OSBPL10: variants seen among roughly 807,000 people sequenced by gnomAD.
OSBPL10 encodes oxysterol binding protein like 10.
Under a neutral mutation model 81.7 loss-of-function variants are expected in OSBPL10, and 49 were observed. That is an observed-to-expected ratio of 0.60 (90% CI 0.48 to 0.76). OSBPL10 has a LOEUF of 0.76. Ranked by LOEUF, OSBPL10 falls within the 30% of genes least tolerant of loss-of-function variation. OSBPL10 has a pLI of 0.00. For synonymous variants in OSBPL10, 419 were observed against 383.6 expected, an observed-to-expected ratio of 1.09 and a Z score of -1.08; for missense variants, 923 against 987.8, an observed-to-expected ratio of 0.93 and a Z score of 0.88.
chr3:31,970,406 G>C (rs138694680), intron 1 of OSBPL10, among the ~76,000 whole-genome samples: 277 of 152,274 alleles, frequency 1.8e-3, no homozygotes, highest in African/African-American at 6.2e-3. Context: ...TCTAGTTTTG[G>C]CCAGCATGTC....
At chr3:31,979,390 T>C (rs1430342217) in intron 1 of OSBPL10, among the ~76,000 whole-genome samples, 1 of 152,230 alleles carries the variant, frequency 6.6e-6, no homozygotes, top group Non-Finnish European at 1.5e-5. Flanking sequence ...TCAGTTTCCA[T>C]ACTTCAAAAG....
At chr3:31,984,315 C>T (rs553670597), upstream of OSBPL10, among the ~76,000 whole-genome samples, 4 of 151,734 alleles carry the variant, frequency 2.6e-5, no homozygotes, top group East Asian at 7.7e-4. Context: ...GCTGGGATTA[C>T]AGGCGTGAGC....
At chr3:31,758,742 G>A (rs942413912) in intron 4 of OSBPL10, among the ~76,000 whole-genome samples, 3 of 152,202 alleles carry the variant, frequency 2.0e-5, no homozygotes, top group Non-Finnish European at 4.4e-5. Context: ...TGGATCTCAT[G>A]GAGCAGCATG....
intron 4 of OSBPL10, among the ~76,000 whole-genome samples, chr3:31,755,268 G>A (rs916515214): frequency 2.6e-5 from 4 of 152,106 alleles, no homozygotes; most frequent in Non-Finnish European, 4.4e-5. Flanking sequence ...TCTCAGGCCC[G>A]AAGTCATTTT....
chr3:31,882,009 A>G (rs1695593708), intron 1 of OSBPL10, among the ~76,000 whole-genome samples: 1 of 152,190 alleles, frequency 6.6e-6, no homozygotes, highest in South Asian at 2.1e-4. Context: ...TAACTTCTCC[A>G]TATCACTTCT....
chr3:31,723,539 TACAC>T (rs35189802), intron 6 of OSBPL10, among the ~76,000 whole-genome samples: 5,273 of 125,024 alleles, frequency 0.042, 107 homozygotes, highest in Middle Eastern at 0.088. Context: ...CTCTGTTTCT[TACAC>T]ACACACACAC....
At chr3:31,878,848 T>TGTGC (rs1052315688) in intron 2 of OSBPL10, among the ~76,000 whole-genome samples, 107 of 150,514 alleles carry the variant, frequency 7.1e-4, no homozygotes, top group Middle Eastern at 3.4e-3. Context: ...TGTGTGTGTG[T>TGTGC]GCATGCACTT....
chr3:31,830,026 A>G lies in OSBPL10; in HGVS notation c.729+14T>C, dbSNP rs1198070059. Reference sequence around the variant, plus strand: ...CCCCGGGGCTGCTTAACCTAGTAGGAGAGCAAAGCCTACCTCTCTGACTTC... The same window carrying G: ...CCCCGGGGCTGCTTAACCTAGTAGGGGAGCAAAGCCTACCTCTCTGACTTC... On this transcript the variant is annotated intron_variant, in intron 4 of 11. Transcript: ENST00000396556. The G allele has an allele frequency of 6.2e-7, 1 of 1,606,736 alleles. No individual in the cohort carries two copies. The highest frequency in any genetic ancestry group is 1.3e-5 in the African/African-American group (1 of 74,702).
chr3:31,738,578 G>C (rs1697257349), intron 5 of OSBPL10, among the ~76,000 whole-genome samples: 3 of 152,264 alleles, frequency 2.0e-5, no homozygotes, highest in East Asian at 1.9e-4. Context: ...CTCTTGCCAG[G>C]TGCCAAGTAC....
intron 4 of OSBPL10, among the ~76,000 whole-genome samples, chr3:31,812,818 G>GAGAGAAAGAAAGAAAGAGAA (rs1699740661): frequency 7.7e-5 from 2 of 25,900 alleles, no homozygotes; most frequent in African/African-American, 1.8e-4. Flanking sequence ...AAGAAAGAAA[G>GAGAGAAAGAAAGAAAGAGAA]AGAAAGAAAG....
intron 3 of OSBPL10, among the ~76,000 whole-genome samples, chr3:31,866,602 T>C (rs531872723): frequency 1.6e-4 from 25 of 152,266 alleles, no homozygotes; most frequent in South Asian, 1.5e-3. Flanking sequence ...TTGGGGAGTA[T>C]AGACGCCATG....
intron 1 of OSBPL10, among the ~76,000 whole-genome samples, chr3:32,067,622 C>T (rs942841977): frequency 6.6e-6 from 1 of 152,184 alleles, no homozygotes; most frequent in Non-Finnish European, 1.5e-5. Context: ...CCCACCCTAA[C>T]TGATCAATGT....
intron 4 of OSBPL10, among the ~76,000 whole-genome samples, chr3:31,798,153 A>G (rs1395850542): frequency 6.6e-6 from 1 of 152,318 alleles, no homozygotes; most frequent in East Asian, 1.9e-4. Context: ...CATGGAGGCC[A>G]GGCGCAGTGG....
chr3:31,871,552 G>A (rs543269185), intron 3 of OSBPL10, among the ~76,000 whole-genome samples: 5 of 152,294 alleles, frequency 3.3e-5, no homozygotes, highest in East Asian at 1.9e-4. Context: ...TATCCTAGAA[G>A]TTTCCTAAGA....
chr3:31,921,360 A>G (rs1233915652), intron 1 of OSBPL10, among the ~76,000 whole-genome samples: 2 of 152,184 alleles, frequency 1.3e-5, no homozygotes, highest in Non-Finnish European at 2.9e-5. Context: ...GGTTCCTTGG[A>G]AAAATGGCTG....
chr3:31,975,781 C>T (rs1384378472), intron 1 of OSBPL10, among the ~76,000 whole-genome samples: 1 of 152,212 alleles, frequency 6.6e-6, no homozygotes, highest in African/African-American at 2.4e-5. Flanking sequence ...CCTGGTTTCC[C>T]TCTCTGACAT....
intron 2 of OSBPL10, among the ~76,000 whole-genome samples, chr3:31,998,623 C>T (rs1458241995): frequency 6.6e-6 from 1 of 152,206 alleles, no homozygotes; most frequent in East Asian, 1.9e-4. Context: ...TGGTTACATA[C>T]CAAATATGGT....
intron 4 of OSBPL10, among the ~76,000 whole-genome samples, chr3:31,823,931 A>G (rs1361893782): frequency 6.6e-6 from 1 of 151,958 alleles, no homozygotes; most frequent in Non-Finnish European, 1.5e-5. Context: ...GGCTCAGTGC[A>G]GCCTCCACTG....
At chr3:32,018,738 A>G (rs893001723) in intron 2 of OSBPL10, among the ~76,000 whole-genome samples, 21 of 152,304 alleles carry the variant, frequency 1.4e-4, no homozygotes, top group Non-Finnish European at 1.0e-4. Flanking sequence ...ATTATATTTG[A>G]AGACATCAGT....
Sources: gnomAD v4.1 joint callset for allele counts (sites outside exome capture counted in the v4.1 genomes callset) on GRCh38, gnomAD v4.1.1 for gene constraint, MANE v1.5 for transcripts, NCBI Gene and HGNC (gene_info 2026-07-23, HGNC 2026-07-21) for gene names.